IL10RA: variants seen among roughly 807,000 people sequenced by gnomAD.
IL10RA encodes the protein interleukin-10 receptor subunit alpha.
A neutral mutation model predicts 29.6 loss-of-function variants in IL10RA; 18 were observed. The observed-to-expected ratio is 0.61, with a 90% CI of 0.42 to 0.90. The LOEUF (loss-of-function observed/expected upper bound fraction) is 0.90, where lower values mean the gene tolerates loss of function less well. IL10RA is among the 40% of genes least tolerant of loss of function. The pLI, the probability that IL10RA is intolerant of heterozygous loss-of-function variation, is 0.00. For synonymous variants in IL10RA, 292 were observed against 294.1 expected (o/e 0.99, Z 0.07); for missense variants, 634 against 716.6 (o/e 0.88, Z 1.32).
At chr11:117,998,017 G>T (rs1013479873) in intron 6 of IL10RA, among the ~76,000 whole-genome samples, 1 of 152,192 alleles carries the variant, frequency 6.6e-6, no homozygotes, top group Non-Finnish European at 1.5e-5. Flanking sequence ...AGTGTGGCTA[G>T]GGCAGAGGGG....
intron 3 of IL10RA, among the ~76,000 whole-genome samples, chr11:117,992,685 C>T (rs2058031008): frequency 1.3e-5 from 2 of 152,194 alleles, no homozygotes; most frequent in South Asian, 2.1e-4. Flanking sequence ...TGTGCAGAAG[C>T]TCTTTAGTGT....
At chr11:117,993,547 A>G in intron 4 of IL10RA, 137 bp downstream of exon 4, 1 of 780,974 alleles carries the variant, frequency 1.3e-6, no homozygotes, top group Non-Finnish European at 2.2e-6. Flanking sequence ...TGGGCAGAGG[A>G]GGGAGTAGAA....
intron 6 of IL10RA, among the ~76,000 whole-genome samples, chr11:117,997,123 G>A (rs1277505226): frequency 6.6e-6 from 1 of 152,254 alleles, no homozygotes; most frequent in African/African-American, 2.4e-5. Context: ...AATCAGGACA[G>A]TTGAGGATGA....
intron 1 of IL10RA, 115 bp downstream of exon 1, chr11:117,986,649 G>A (rs1331644255): frequency 6.5e-6 from 10 of 1,538,394 alleles, no homozygotes; most frequent in South Asian, 4.8e-5. Flanking sequence ...AGCGGTGCCC[G>A]GGTGCTCCCT....
rs539353130 is a variant in IL10RA, at chr11:117,993,171, G to A, written c.368-70G>A. 1.2e-4 allele frequency: 170 copies of A among 1,416,632 alleles called. 1 individual carries two copies. In the African/African-American group the frequency reaches 1.4e-3, roughly 12 times the overall value. 87.8% of individuals were successfully genotyped at this position (1,416,632 alleles called of 1,614,324 possible). A position where few individuals can be genotyped will look rare whatever the true frequency, so the allele number is the denominator to read the frequency against. On this transcript the variant is annotated intron_variant, in intron 3 of 6. Transcript: ENST00000227752. ...AGCTTAATTCTGGAGGCAAAGTCTC[G>A]GCGGGGACACCCAGGCCCTCCTCAG...
chr11:117,994,512 C>T (rs1297008802), intron 5 of IL10RA, among the ~76,000 whole-genome samples: 1 of 152,192 alleles, frequency 6.6e-6, no homozygotes, highest in African/African-American at 2.4e-5. Context: ...TGTTCTTCCT[C>T]AGAGCCAGGG....
intron 5 of IL10RA, chr11:117,994,872 A>T (rs1214233037): frequency 1.9e-5 from 3 of 154,984 alleles, no homozygotes; most frequent in Non-Finnish European, 2.9e-5. Context: ...AACAAATTTC[A>T]GTTTGTGAAG....
chr11:117,992,923 T>G, intron 3 of IL10RA: 1 of 369,462 alleles, frequency 2.7e-6, no homozygotes. Context: ...TATCCAGTTT[T>G]CCCAACACCA....
At chr11:117,996,355 T>A in intron 6 of IL10RA, among the ~76,000 whole-genome samples, 1 of 152,218 alleles carries the variant, frequency 6.6e-6, no homozygotes, top group Non-Finnish European at 1.5e-5. Flanking sequence ...GTGTGTCCTC[T>A]TGCTACATTG....
intron 1 of IL10RA, chr11:117,986,858 G>A (rs2134979639): frequency 2.1e-6 from 3 of 1,426,374 alleles, no homozygotes; most frequent in South Asian, 1.2e-5. Flanking sequence ...TCAAATGATG[G>A]GACTTCTTGT....
In IL10RA at chr11:117,989,087, A is replaced by G. The variant is rs1396105220; in HGVS notation, c.189-355A>G. On this transcript the variant is annotated intron_variant, in intron 2 of 6. Coordinates refer to ENST00000227752, the MANE Select transcript of IL10RA (RefSeq NM_001558.4). This position sits in a 1 kb window ranked among gnomAD's most constrained non-coding sequence, Gnocchi z 4.5. ...CCAAGGCTTTTCTATCTTACTGGAA[A>G]AGGAGAAGCATCCACAGTACAGCCA... 6.6e-6 allele frequency among the ~76,000 whole-genome samples: 1 copy of G among 152,230 alleles called. No homozygotes were observed. The highest frequency in any genetic ancestry group is 1.5e-5 in the Non-Finnish European group (1 of 68,044).
Position 117,993,932 on chromosome 11 carries a change from C to T in IL10RA, c.538-67C>T. The T allele has an allele frequency of 4.1e-6, 6 of 1,452,568 alleles. No homozygotes were observed. In the East Asian group the frequency reaches 1.4e-4, roughly 33 times the overall value. 90.0% of individuals were successfully genotyped at this position (1,452,568 alleles called of 1,614,324 possible). ...GGCTGAAATCACCTCTAAAGGCCCA[C>T]CAGCTCTCAGTGTCCGTGTGCCATG... On this transcript the variant is annotated intron_variant, in intron 4 of 6. Transcript: ENST00000227752.
intron 6 of IL10RA, among the ~76,000 whole-genome samples, chr11:117,998,010 G>A (rs1161375206): frequency 6.6e-6 from 1 of 152,190 alleles, no homozygotes; most frequent in Non-Finnish European, 1.5e-5. Context: ...GAACACCAGT[G>A]TGGCTAGGGC....
chr11:117,998,503 T>C (rs1357832307), intron 6 of IL10RA, among the ~76,000 whole-genome samples: 2 of 152,224 alleles, frequency 1.3e-5, no homozygotes, highest in East Asian at 3.8e-4. Flanking sequence ...GGCCTGAGAA[T>C]ACAAGTTTCT....
intron 3 of IL10RA, among the ~76,000 whole-genome samples, chr11:117,992,276 T>A (rs2058028153): frequency 6.6e-6 from 1 of 152,244 alleles, no homozygotes; most frequent in African/African-American, 2.4e-5. Flanking sequence ...GGAACATCCA[T>A]ACTGTTTTCC....
rs745955474 is a variant in IL10RA at position 117,995,641 on chromosome 11, C to T, written c.741C>T (p.Ser247=). 4.8e-5 allele frequency: 77 copies of T among 1,614,022 alleles called. No individual in the cohort carries two copies. Among genetic ancestry groups the T allele is most frequent in the African/African-American group, 1.2e-4 (9 of 74,920 alleles). Residue 247 remains serine, a synonymous_variant, in exon 6 of 7, where the codon TCC becomes TCT. Coordinates refer to ENST00000227752, the MANE Select transcript of IL10RA (RefSeq NM_001558.4). ...IIFFAFVLLL[S]GALAYCLALQ... Reference sequence around the variant, plus strand: ...TCTTTGCCTTTGTCCTGCTGCTCTCCGGAGCCCTCGCCTACTGCCTGGCCC... The same window carrying T: ...TCTTTGCCTTTGTCCTGCTGCTCTCTGGAGCCCTCGCCTACTGCCTGGCCC...
In IL10RA at chr11:117,994,074, GTGAAACCATC is replaced by G; in HGVS notation, c.616_625del (p.Lys206SerfsTer25). On this transcript the variant is annotated frameshift_variant, in exon 5 of 7. Transcript: ENST00000227752. LOFTEE classifies it high-confidence loss of function. ...AGAAGTGGGAGAGTTCTGTGTCCAG[GTGAAACCATC>G]TGTCGCTTCCCGAAGTAACAAGGGG... The G allele has an allele frequency of 6.2e-7, 1 of 1,614,078 alleles. No individual in the cohort carries two copies. Among genetic ancestry groups the G allele is most frequent in the Non-Finnish European group, 8.5e-7 (1 of 1,179,920 alleles).
At chr11:117,996,334 C>G (rs2058056523) in intron 6 of IL10RA, among the ~76,000 whole-genome samples, 2 of 152,204 alleles carry the variant, frequency 1.3e-5, no homozygotes, top group African/African-American at 4.8e-5. Context: ...AAGCCCTCCT[C>G]CCCTCCCAGG....
rs75769905 is a variant in IL10RA at position 117,986,514 on chromosome 11, G to C, written c.47G>C (p.Arg16Pro). ...CTGCTGGCGGCGCTCCTCAGCCTCC[G>C]TCTTGGCTCAGACGCTCATGGTAAG... is the stretch of plus-strand genomic sequence containing the variant. ...VVLLAALLSL[R>P]LGSDAHGTEL... is the part of the protein sequence containing the mutation. The change falls in exon 1 of 7, where the codon CGT becomes CCT. Residue 16 changes from arginine to proline, a missense_variant. Arg to Pro is a moderately radical substitution (Grantham distance 103). Coordinates refer to ENST00000227752, the MANE Select transcript of IL10RA (RefSeq NM_001558.4). The C allele has an allele frequency of 4.4e-5, 68 of 1,555,768 alleles. No individual in the cohort carries two copies. In the African/African-American group the frequency reaches 8.5e-4, roughly 19 times the overall value.
Sources: gnomAD v4.1 joint callset for allele counts (sites outside exome capture counted in the v4.1 genomes callset) on GRCh38, gnomAD v4.1.1 for gene constraint, Gnocchi (gnomAD v3.1) non-coding constraint, MANE v1.5 for transcripts, NCBI Gene and HGNC (gene_info 2026-07-23, HGNC 2026-07-21) for gene names.